AKAP17A: variants seen among roughly 807,000 people sequenced by gnomAD.
The protein encoded by AKAP17A is A-kinase anchoring protein 17A.
Under a neutral mutation model 52.2 loss-of-function variants are expected in AKAP17A, and 15 were observed. The ratio of observed to expected loss-of-function variants is 0.29; its 90% CI spans 0.19 to 0.44. The LOEUF is 0.44. Ranked by LOEUF, AKAP17A falls within the 20% of genes least tolerant of loss-of-function variation. AKAP17A has a pLI of 1.00. For missense variants in AKAP17A, 1,060 were observed against 1,007.0 expected (o/e 1.05, Z -0.71); for synonymous variants, 514 against 424.7 (o/e 1.21, Z -2.58).
At position 1,601,186 on chromosome X, in the gene AKAP17A, C is replaced by T; in HGVS notation, c.1680C>T (p.Ile560=). 3 of 1,613,954 alleles carry T rather than the reference C, an allele frequency of 1.9e-6. No individual in the cohort carries two copies. Among genetic ancestry groups the T allele is most frequent in the Non-Finnish European group, 2.5e-6 (3 of 1,179,824 alleles). Residue 560 remains isoleucine, a synonymous_variant, in exon 5 of 5, where the codon ATC becomes ATT. Transcript: ENST00000313871. The stretch of plus-strand genomic sequence containing the variant: ...ACAACAACCAACAGCCCAAGGGCAT[C>T]CCTGCCTGCGAGCAGAATGTCTCCA... ...IPDNNQQPKG[I]PACEQNVSRK...
chrX:1,599,091 G>C lies in AKAP17A; in HGVS notation c.912-101G>C. 5 of 1,516,362 alleles carry C rather than the reference G, an allele frequency of 3.3e-6. No individual in the cohort carries two copies. In the South Asian group the frequency reaches 6.5e-5, roughly 20 times the overall value. 93.9% of individuals were successfully genotyped at this position (1,516,362 alleles called of 1,614,324 possible). On this transcript the variant is annotated intron_variant, in intron 3 of 4. Transcript: ENST00000313871. The stretch of plus-strand genomic sequence containing the variant: ...ATAAAGAGTTAAATGCTTAATCGTT[G>C]GACCGTGGCCTGTTCCGCCGTGTTT...
chrX:1,600,153 G>A (rs1160993058), intron 4 of AKAP17A: 43 of 1,303,448 alleles, frequency 3.3e-5, no homozygotes, highest in Non-Finnish European at 3.9e-5. Context: ...ATAAGTCCCC[G>A]GGAAGGAGCA....
intron 3 of AKAP17A, among the ~76,000 whole-genome samples, chrX:1,596,918 G>T (rs1865693151): frequency 6.6e-6 from 1 of 151,052 alleles, no homozygotes; most frequent in East Asian, 2.0e-4. Context: ...TAGTGAGGCG[G>T]AATCCTCCTC....
Position 1,593,741 on chromosome X carries a change from G to A in AKAP17A, c.279G>A (p.Leu93=), listed in dbSNP as rs1388646171. Reference sequence around the variant, plus strand: ...ACAAGAGCCTGGTCAAGTCTTTTCTGGCCTGCCTGGACGGCAAGACCATCA... The same window carrying A: ...ACAAGAGCCTGGTCAAGTCTTTTCTAGCCTGCCTGGACGGCAAGACCATCA... ...VENKSLVKSF[L]ACLDGKTIKL... Residue 93 remains leucine (L), a synonymous_variant, in exon 2 of 5, where the codon CTG becomes CTA. Coordinates refer to ENST00000313871, the MANE Select transcript of AKAP17A (RefSeq NM_005088.3). 1 of 1,613,854 alleles carries A rather than the reference G, an allele frequency of 6.2e-7. No individual in the cohort carries two copies. Among genetic ancestry groups the A allele is most frequent in the African/African-American group, 1.3e-5 (1 of 74,922 alleles).
chrX:1,600,239 C>T, intron 4 of AKAP17A: 1 of 1,289,606 alleles, frequency 7.8e-7, no homozygotes, highest in Non-Finnish European at 1.0e-6. Flanking sequence ...CCAGGCTAGG[C>T]CAGGCTCGCC....
rs749485046 is a variant in AKAP17A at position 1,594,029 on chromosome X, C to T, written c.567C>T (p.Ile189=). 10 of 1,610,286 alleles carry T rather than the reference C, an allele frequency of 6.2e-6. No individual in the cohort carries two copies. The highest frequency in any genetic ancestry group is 8.5e-6 in the Non-Finnish European group (10 of 1,178,050). ...TCGGGGAGATCCGGAATGTGGACAT[C>T]CCCATGCTGGACCCCTACCGGGAGG... ...EKFGEIRNVD[I]PMLDPYREEM... Residue 189 remains isoleucine (I), a synonymous_variant, in exon 2 of 5, where the codon ATC becomes ATT. Coordinates refer to ENST00000313871, the MANE Select transcript of AKAP17A (RefSeq NM_005088.3).
At chrX:1,594,266 T>C in intron 2 of AKAP17A, 42 bp downstream of exon 2, 1 of 1,499,522 alleles carries the variant, frequency 6.7e-7, no homozygotes, top group Non-Finnish European at 8.9e-7. Context: ...TTCCTCCCTC[T>C]GGCGACTTCC....
intron 3 of AKAP17A, among the ~76,000 whole-genome samples, chrX:1,598,209 G>C (rs772128446): frequency 1.4e-5 from 2 of 148,106 alleles, no homozygotes; most frequent in Non-Finnish European, 1.5e-5. Flanking sequence ...CTCACAGGGC[G>C]GTTAAACCTT....
At chrX:1,597,520 G>C (rs1238098200) in intron 3 of AKAP17A, among the ~76,000 whole-genome samples, 3 of 152,102 alleles carry the variant, frequency 2.0e-5, no homozygotes, top group Non-Finnish European at 4.4e-5. Context: ...GTCAGGCCGA[G>C]CAGGACAGCT....
chrX:1,600,111 A>T (rs1209343045), intron 4 of AKAP17A: 15 of 1,292,212 alleles, frequency 1.2e-5, no homozygotes, highest in Non-Finnish European at 1.4e-5. Context: ...ACGCGGGGCG[A>T]CCCCATAACC....
chrX:1,601,331 G>A lies in AKAP17A; in HGVS notation c.1825G>A (p.Ala609Thr). The change falls in exon 5 of 5, where the codon GCC (alanine) becomes ACC (threonine). Residue 609 changes from alanine (A) to threonine (T), a missense_variant. Physicochemically the swap from Ala to Thr is moderately conservative, Grantham distance 58. Around this residue, in one of 2 missense-constraint regions of AKAP17A, gnomAD observed 793 missense variants for 629.9 expected, o/e 1.26. Transcript: ENST00000313871. The stretch of plus-strand genomic sequence containing the variant: ...GCGGGAGAGGAGCCGGGCCAGGCGG[G>A]CCAGCAGCAGGGAGGACGGGAGGCC... ...HKRERSRARR[A>T]SSREDGRPRK... 2 of 1,599,826 alleles carry A rather than the reference G, an allele frequency of 1.3e-6. No homozygotes were observed. The highest frequency in any genetic ancestry group is 1.7e-6 in the Non-Finnish European group (2 of 1,175,446).
intron 4 of AKAP17A, 157 bp downstream of exon 4, chrX:1,599,589 G>T (rs1482189960): frequency 1.9e-6 from 2 of 1,042,646 alleles, no homozygotes; most frequent in Admixed American, 2.0e-5. Context: ...TCCTTCCCGG[G>T]AGGGTGTAGC....
At chrX:1,592,733 C>T (rs1426770870) in intron 1 of AKAP17A, among the ~76,000 whole-genome samples, 2 of 152,154 alleles carry the variant, frequency 1.3e-5, no homozygotes, top group African/African-American at 4.8e-5. Flanking sequence ...TGGACTTGGC[C>T]GTCAGGAAGT....
At chrX:1,599,871 G>A (rs1204089138) in intron 4 of AKAP17A, 1 of 583,946 alleles carries the variant, frequency 1.7e-6, no homozygotes, top group Non-Finnish European at 3.1e-6. Context: ...CGCACAGAGG[G>A]GGCCTGCCGT....
intron 3 of AKAP17A, among the ~76,000 whole-genome samples, chrX:1,596,775 C>G (rs1162481603): frequency 1.3e-5 from 1 of 77,854 alleles, no homozygotes; most frequent in Admixed American, 1.1e-4. Flanking sequence ...CCTCCTCCTC[C>G]TCTTCCTCCT....
At chrX:1,594,601 T>A (rs752002609) in intron 2 of AKAP17A, among the ~76,000 whole-genome samples, 11 of 151,954 alleles carry the variant, frequency 7.2e-5, no homozygotes, top group Non-Finnish European at 1.5e-4. Context: ...TGTGCTTTTT[T>A]ATTTTTTTTA....
At chrX:1,600,035 CTCCCCAGGACAGACG>C in intron 4 of AKAP17A, 1 of 665,634 alleles carries the variant, frequency 1.5e-6, no homozygotes, top group Non-Finnish European at 2.4e-6. Context: ...ACAGACAGAC[CTCCCCAGGACAGACG>C]TCCCCGGCAC....
rs773316404 is a variant in AKAP17A at position 1,593,573 on chromosome X, G to T, written c.111G>T (p.Pro37=). The T allele has an allele frequency of 6.8e-6, 11 of 1,613,672 alleles. No homozygotes were observed. The highest frequency in any genetic ancestry group is 1.7e-5 in the Admixed American group (1 of 59,988). The part of the protein sequence containing the change: ...ITKMTISVAL[P]QLKQPGKSIS... ...AGATGACCATCAGCGTGGCACTCCC[G>T]CAGCTGAAGCAGCCGGGGAAGTCCA... is the stretch of plus-strand genomic sequence containing the variant. Residue 37 remains proline (P), a synonymous_variant, in exon 2 of 5, where the codon CCG becomes CCT. Transcript: ENST00000313871.
chrX:1,593,331 GAC>G, intron 1 of AKAP17A, 111 bp from the exon 2 acceptor site: 1 of 1,023,240 alleles, frequency 9.8e-7, no homozygotes, highest in South Asian at 1.5e-5. Context: ...ACGGCAGAGA[GAC>G]ACTGCTGTTT....
Sources: allele counts gnomAD v4.1 joint callset (sites outside exome capture counted in the v4.1 genomes callset), GRCh38; gene constraint gnomAD v4.1.1; regional missense constraint gnomAD v4.1.1; transcripts MANE v1.5; gene names NCBI Gene and HGNC (gene_info 2026-07-23, HGNC 2026-07-21).